Variants in PCDH11X observed in about 807,000 individuals in gnomAD.
The protein encoded by PCDH11X is protocadherin-11 X-linked.
Under a neutral mutation model 53.3 loss-of-function variants are expected in PCDH11X, and 18 were observed. That is an observed-to-expected ratio of 0.34 (90% CI 0.23 to 0.50). The LOEUF is 0.50. Among genes scored for constraint, PCDH11X ranks in the 20% least tolerant of loss-of-function variants. PCDH11X has a pLI of 0.98. For synonymous variants in PCDH11X, 279 were observed against 393.3 expected (o/e 0.71, Z 3.44); for missense variants, 570 against 1,032.4 (o/e 0.55, Z 6.14).
chrX:92,530,794 G>T (rs1054775738), intron 10 of PCDH11X, among the ~76,000 whole-genome samples: 19 of 111,399 alleles, frequency 1.7e-4, no homozygotes, highest in Admixed American at 1.4e-3. Context: ...TTATCAGGTT[G>T]TTTACAAAAC....
intron 5 of PCDH11X, among the ~76,000 whole-genome samples, chrX:91,868,911 C>G (rs1289112204): frequency 1.8e-5 from 2 of 111,042 alleles, no homozygotes; most frequent in Non-Finnish European, 1.9e-5. Context: ...CTTAAAGGAC[C>G]TTTTTACAAG....
At chrX:92,227,753 G>T (rs2066995945) in intron 7 of PCDH11X, among the ~76,000 whole-genome samples, 1 of 110,519 alleles carries the variant, frequency 9.0e-6, no homozygotes, top group Non-Finnish European at 1.9e-5. Flanking sequence ...CTATAATGTA[G>T]TCACTATAAA....
intron 9 of PCDH11X, among the ~76,000 whole-genome samples, chrX:92,411,967 GAGGGAAGAA>G (rs2071675772): frequency 2.5e-5 from 1 of 40,201 alleles, no homozygotes; most frequent in African/African-American, 8.0e-5. Context: ...GGAGGAGGAG[GAGGGAAGAA>G]GAAGAAGAAG....
At chrX:92,389,603 A>T (rs1362426745) in intron 9 of PCDH11X, among the ~76,000 whole-genome samples, 1 of 111,314 alleles carries the variant, frequency 9.0e-6, no homozygotes, top group African/African-American at 3.3e-5. Context: ...TAAAATTCCA[A>T]CTGAATGAGA....
intron 5 of PCDH11X, among the ~76,000 whole-genome samples, chrX:91,874,217 C>T (rs1233969970): frequency 1.8e-5 from 2 of 111,334 alleles, no homozygotes; most frequent in Non-Finnish European, 3.8e-5. Flanking sequence ...ATTAAATTAT[C>T]ATTAATCACT....
chrX:92,254,836 G>A lies in PCDH11X; in HGVS notation c.3115-8278G>A, dbSNP rs185908020. Among the ~76,000 whole-genome samples the A allele has an allele frequency of 1.1e-4, 12 of 109,614 alleles. No homozygotes were observed. In the East Asian group the frequency reaches 3.5e-3, roughly 32 times the overall value. ...CTGTTAGTCTGATGTGCTTCCCTTT[G>A]AGGGTAACCTGACCTTTCTCTCTGG... On this transcript the variant is annotated intron_variant, in intron 7 of 10. Coordinates refer to ENST00000682573, the MANE Select transcript of PCDH11X (RefSeq NM_032968.5).
intron 4 of PCDH11X, among the ~76,000 whole-genome samples, chrX:91,825,521 G>A (rs931801066): frequency 8.9e-5 from 10 of 111,986 alleles, no homozygotes; most frequent in Admixed American, 4.7e-4. Context: ...GCAATGCCTC[G>A]CCCTGCTTCA....
intron 10 of PCDH11X, among the ~76,000 whole-genome samples, chrX:92,575,460 T>C (rs1602365234): frequency 9.1e-6 from 1 of 109,460 alleles, no homozygotes; most frequent in African/African-American, 3.3e-5. Flanking sequence ...AATAAGGTGA[T>C]GTGCAAAAAT....
At chrX:92,547,849 G>C (rs1360863370) in intron 10 of PCDH11X, among the ~76,000 whole-genome samples, 1 of 109,570 alleles carries the variant, frequency 9.1e-6, no homozygotes, top group Non-Finnish European at 1.9e-5. Flanking sequence ...TTCTGCTTCA[G>C]CTTCCTCAGC....
At chrX:92,338,037 G>A (rs34547614) in intron 8 of PCDH11X, among the ~76,000 whole-genome samples, 14 of 111,084 alleles carry the variant, frequency 1.3e-4, no homozygotes, top group Non-Finnish European at 2.5e-4. Flanking sequence ...AGGGTTGGGG[G>A]GGTGTGGGTG....
In PCDH11X at chrX:92,496,543, G is replaced by A. The variant is rs552486241; in HGVS notation, c.3367+28221G>A. 4.5e-4 allele frequency among the ~76,000 whole-genome samples: 46 copies of A among 103,351 alleles called. 2 individuals carry two copies. In the South Asian group the frequency reaches 0.018, roughly 41 times the overall value. 89.7% of individuals were successfully genotyped at this position (103,351 alleles called of 115,157 possible). A position where few individuals can be genotyped will look rare whatever the true frequency, so the allele number is the denominator to read the frequency against. ...GTGGTTGCACAAGCCTTTTTTCAGA[G>A]ATGTATATCCTTTGACTTTGGGACT... On this transcript the variant is annotated intron_variant, in intron 10 of 10. Coordinates refer to ENST00000682573, the MANE Select transcript of PCDH11X (RefSeq NM_032968.5).
Position 92,619,070 on chromosome X carries a change from T to C in PCDH11X, c.*130T>C. 1.3e-6 allele frequency: 1 copy of C among 765,344 alleles called. No individual in the cohort carries two copies. Among genetic ancestry groups the C allele is most frequent in the Non-Finnish European group, 1.9e-6 (1 of 528,329 alleles). The allele number at this position is 765,344 out of a possible 1,213,427, so 63.1% of individuals were successfully genotyped here. A position where few individuals can be genotyped will look rare whatever the true frequency, so the allele number is the denominator to read the frequency against. On this transcript the variant is annotated 3_prime_UTR_variant, in exon 11 of 11. Coordinates refer to ENST00000682573, the MANE Select transcript of PCDH11X (RefSeq NM_032968.5). ...AAATAGAAACAGATACCAGAATAAA[T>C]CTACAGCTAGACCCTTAGTCAATAG... is the stretch of plus-strand genomic sequence containing the variant.
intron 8 of PCDH11X, among the ~76,000 whole-genome samples, chrX:92,323,786 G>A (rs1329470210): frequency 7.2e-5 from 8 of 110,587 alleles, no homozygotes; most frequent in Non-Finnish European, 3.8e-5. Context: ...AGACTCACCA[G>A]CTTTTTAACA....
At chrX:92,459,065 G>A (rs992593574) in intron 9 of PCDH11X, among the ~76,000 whole-genome samples, 9 of 103,515 alleles carry the variant, frequency 8.7e-5, no homozygotes, top group African/African-American at 3.2e-4. Flanking sequence ...TTGGATAAAA[G>A]CCATTTTAAC....
At chrX:91,848,566 C>T (rs1937826147) in intron 5 of PCDH11X, among the ~76,000 whole-genome samples, 1 of 111,535 alleles carries the variant, frequency 9.0e-6, no homozygotes, top group Admixed American at 9.5e-5. Flanking sequence ...ATAATCGATA[C>T]CATTGATTTG....
intron 6 of PCDH11X, among the ~76,000 whole-genome samples, chrX:92,196,489 T>C (rs1236309985): frequency 8.9e-6 from 1 of 111,749 alleles, no homozygotes; most frequent in East Asian, 2.8e-4. Flanking sequence ...AAGAGGCTTC[T>C]TCCAACTAGA....
intron 9 of PCDH11X, among the ~76,000 whole-genome samples, chrX:92,452,487 A>G (rs868766809): frequency 8.6e-5 from 5 of 57,971 alleles, no homozygotes; most frequent in Non-Finnish European, 9.2e-5. Flanking sequence ...ATATATATAT[A>G]TATATATATA....
At chrX:92,443,209 G>T (rs973789980) in intron 9 of PCDH11X, among the ~76,000 whole-genome samples, 6 of 111,357 alleles carry the variant, frequency 5.4e-5, no homozygotes, top group African/African-American at 2.0e-4. Flanking sequence ...GTATGAGATG[G>T]TATCTCATTT....
At chrX:92,207,496 G>A (rs1438966738) in intron 7 of PCDH11X, among the ~76,000 whole-genome samples, 5 of 111,586 alleles carry the variant, frequency 4.5e-5, no homozygotes, top group African/African-American at 1.6e-4. Flanking sequence ...GCTTTTTCAT[G>A]CTTTTCTATG....
Sources: allele counts gnomAD v4.1 joint callset (sites outside exome capture counted in the v4.1 genomes callset), GRCh38; gene constraint gnomAD v4.1.1; transcripts MANE v1.5; gene names NCBI Gene and HGNC (gene_info 2026-07-23, HGNC 2026-07-21).